The following GAB1 variants were observed in gnomAD, a reference collection of about 807,000 sequenced individuals.
GAB1 encodes GRB2 associated binding protein 1, also known as GRB2-associated-binding protein 1.
A neutral mutation model predicts 66.5 loss-of-function variants in GAB1; 19 were observed. That is an observed-to-expected ratio of 0.29 (90% CI 0.20 to 0.42). The LOEUF (loss-of-function observed/expected upper bound fraction) is 0.42. Ranked by LOEUF, GAB1 falls within the 10% of genes least tolerant of loss-of-function variation. The pLI is 1.00. For synonymous variants in GAB1, 294 were observed against 301.4 expected, an observed-to-expected ratio of 0.98 and a Z score of 0.25; for missense variants, 732 against 858.5, an observed-to-expected ratio of 0.85 and a Z score of 1.84.
At chr4:143,419,913 A>T (rs1246744770) in intron 2 of GAB1, among the ~76,000 whole-genome samples, 1 of 152,156 alleles carries the variant, frequency 6.6e-6, no homozygotes, top group Non-Finnish European at 1.5e-5. Context: ...TTGGTTTTTG[A>T]TCCATAATGG....
chr4:143,402,295 G>A (rs1054748165), intron 1 of GAB1, among the ~76,000 whole-genome samples: 5 of 152,114 alleles, frequency 3.3e-5, no homozygotes, highest in African/African-American at 7.2e-5. Context: ...ATTTTAGTTG[G>A]AAAATTTTCC....
At chr4:143,350,991 A>G (rs1019917740) in intron 1 of GAB1, among the ~76,000 whole-genome samples, 21 of 152,138 alleles carry the variant, frequency 1.4e-4, no homozygotes, top group African/African-American at 4.6e-4. Flanking sequence ...TCAGGGCCCC[A>G]CTGCTCAAAC....
chr4:143,423,792 G>GTATGTATATATA (rs1553951648), intron 2 of GAB1, among the ~76,000 whole-genome samples: 1 of 67,734 alleles, frequency 1.5e-5, no homozygotes, highest in Non-Finnish European at 2.9e-5. Flanking sequence ...AAAAAAAAGT[G>GTATGTATATATA]TATATATATA....
At chr4:143,388,165 C>T (rs930618718) in intron 1 of GAB1, among the ~76,000 whole-genome samples, 1 of 152,104 alleles carries the variant, frequency 6.6e-6, no homozygotes, top group African/African-American at 2.4e-5. Context: ...ATATATAACT[C>T]CCAAGGCACT....
Position 143,459,406 on chromosome 4 carries a change from TA to T in GAB1, c.1611del (p.Lys537AsnfsTer56). 1 of 1,609,560 alleles carries T rather than the reference TA, an allele frequency of 6.2e-7. No individual in the cohort carries two copies. Among genetic ancestry groups the T allele is most frequent in the Non-Finnish European group, 8.5e-7 (1 of 1,175,942 alleles). ...TCAGTCAAGCCAGCGCCTTTAGAAA[TA>T]AAACCTTTGCCAGAATGGGAAGAAT... ...DRKVKPAPLE[I>X]KPLPEWEELQ... On this transcript the variant is annotated frameshift_variant, in exon 7 of 10. Transcript: ENST00000262994. LOFTEE classifies it high-confidence loss of function.
At chr4:143,451,142 G>C (rs1478120956) in intron 6 of GAB1, among the ~76,000 whole-genome samples, 1 of 152,280 alleles carries the variant, frequency 6.6e-6, no homozygotes, top group East Asian at 1.9e-4. Context: ...AAGGGGCTGT[G>C]GTTGAAGTAA....
At chr4:143,388,788 A>G (rs1256057921) in intron 1 of GAB1, among the ~76,000 whole-genome samples, 1 of 152,228 alleles carries the variant, frequency 6.6e-6, no homozygotes, top group Admixed American at 6.5e-5. Context: ...GGTAGTTTTT[A>G]GCAGAAAAGA....
chr4:143,427,227 C>T (rs60848167), intron 2 of GAB1, among the ~76,000 whole-genome samples: 12,445 of 152,144 alleles, frequency 0.082, 974 homozygotes, highest in African/African-American at 0.21. Flanking sequence ...CATCTAACTG[C>T]CTTTATAATA....
intron 1 of GAB1, among the ~76,000 whole-genome samples, chr4:143,402,147 A>G (rs1405872277): frequency 6.6e-6 from 1 of 152,212 alleles, no homozygotes; most frequent in East Asian, 1.9e-4. Flanking sequence ...CTATCCAAAA[A>G]TTAATATCTA....
chr4:143,428,556 T>G (rs1733485003), intron 2 of GAB1, among the ~76,000 whole-genome samples: 1 of 152,126 alleles, frequency 6.6e-6, no homozygotes, highest in South Asian at 2.1e-4. Flanking sequence ...GGATATTTGC[T>G]TAGAACTAGA....
At chr4:143,367,719 G>GTTTTTTT (rs71588248) in intron 1 of GAB1, among the ~76,000 whole-genome samples, 3 of 94,654 alleles carry the variant, frequency 3.2e-5, no homozygotes, top group Non-Finnish European at 5.9e-5. Flanking sequence ...TCAGATGAGG[G>GTTTTTTT]TTTTTTTTTT....
chr4:143,433,652 C>T lies in GAB1; in HGVS notation c.529C>T (p.Gln177Ter), dbSNP rs768137481. 1 of 1,614,000 alleles carries T rather than the reference C, an allele frequency of 6.2e-7. No homozygotes were observed. Among genetic ancestry groups the T allele is most frequent in the Admixed American group, 1.7e-5 (1 of 59,978 alleles). The change falls in exon 3 of 10, where the codon CAG becomes TAG. Residue 177 changes from glutamine to a stop codon, truncating the protein, a stop_gained. Coordinates refer to ENST00000262994, the MANE Select transcript of GAB1 (RefSeq NM_002039.4). LOFTEE classifies it high-confidence loss of function. ...VPPHLETLGI[Q>*]EDPQDYLLLI... ...ACCACACCTGGAAACTCTTGGCATT[C>T]AGGAGGATCCTCAAGACTACCTGTT...
rs779332191 is a variant in GAB1, at chr4:143,438,558, A to G, written c.1153A>G (p.Ser385Gly). 3.0e-5 allele frequency: 48 copies of G among 1,613,940 alleles called. No homozygotes were observed. The Admixed American group carries it at 7.8e-4, about 26-fold the overall frequency. ...TACAGCAGGGATGTCGCCTTCACGT[A>G]GTAATACCATTTCCACTGTGGATTT... is the stretch of plus-strand genomic sequence containing the variant. The part of the protein sequence containing the change: ...IPTAGMSPSR[S>G]NTISTVDLNK... Residue 385 changes from serine (S) to glycine (G), a missense_variant, in exon 4 of 10, where the codon AGT (serine) becomes GGT (glycine). Coordinates refer to ENST00000262994, the MANE Select transcript of GAB1 (RefSeq NM_002039.4).
intron 2 of GAB1, chr4:143,425,797 T>G: frequency 1.3e-6 from 1 of 795,378 alleles, no homozygotes; most frequent in Non-Finnish European, 2.2e-6. Flanking sequence ...TCTGAAGGCA[T>G]GCAGGTGCCT....
At chr4:143,459,277 T>C in intron 6 of GAB1, 108 bp from the exon 7 acceptor site, 1 of 712,706 alleles carries the variant, frequency 1.4e-6, no homozygotes, top group African/African-American at 1.8e-5. Context: ...CTAGGTGGTC[T>C]TAGGTTTACT....
intron 1 of GAB1, among the ~76,000 whole-genome samples, chr4:143,374,996 T>G (rs3828514): frequency 0.51 from 77,315 of 152,082 alleles, 20,652 homozygotes; most frequent in African/African-American, 0.67. Flanking sequence ...AGCCCAAGCT[T>G]GAGTGCAGTC....
rs1386791464 is a variant in GAB1 at position 143,471,180 on chromosome 4, T to C, written c.*1991T>C. ...AAATAAAAATCTTTACAGCTGCCTA[T>C]CAAGGGTCTAAAGCACTTAATGAAT... On this transcript the variant is annotated 3_prime_UTR_variant, in exon 10 of 10. Transcript: ENST00000262994. 1 of 152,154 alleles carries C rather than the reference T, an allele frequency of 6.6e-6. No individual in the cohort carries two copies. Among genetic ancestry groups the C allele is most frequent in the Non-Finnish European group, 1.5e-5 (1 of 67,998 alleles). The allele number at this position is 152,154 out of a possible 1,614,324, so 9.4% of individuals were successfully genotyped here. A position where few individuals can be genotyped will look rare whatever the true frequency, so the allele number is the denominator to read the frequency against.
At position 143,433,625 on chromosome 4, in the gene GAB1, C is replaced by T. The variant is rs766080514; in HGVS notation, c.502C>T (p.Pro168Ser). 3.7e-6 allele frequency: 6 copies of T among 1,613,856 alleles called. No homozygotes were observed. The highest frequency in any genetic ancestry group is 5.1e-6 in the Non-Finnish European group (6 of 1,179,898). ...TCCTCCATATCAGCTAATCAATGTTCCACCACACCTGGAAACTCTTGGCAT... is the reference window on the plus strand; with the variant it reads ...TCCTCCATATCAGCTAATCAATGTTTCACCACACCTGGAAACTCTTGGCAT... ...LPPPYQLINVPPHLETLGIQE... is the reference protein window; with the variant it reads ...LPPPYQLINVSPHLETLGIQE... The change falls in exon 3 of 10, where the codon CCA becomes TCA. Residue 168 changes from proline to serine, a missense_variant. This residue lies in a region of GAB1 where 427 missense variants were observed against 420.6 expected (regional missense o/e 1.02). Transcript: ENST00000262994.
At chr4:143,346,113 T>G (rs1487656787) in intron 1 of GAB1, among the ~76,000 whole-genome samples, 1 of 152,246 alleles carries the variant, frequency 6.6e-6, no homozygotes, top group Non-Finnish European at 1.5e-5. Context: ...TCCTATTCAT[T>G]TCTGCTTCTC....
Sources: gnomAD v4.1 joint callset for allele counts (sites outside exome capture counted in the v4.1 genomes callset) on GRCh38, gnomAD v4.1.1 for gene constraint, gnomAD v4.1.1 regional missense constraint, MANE v1.5 for transcripts, NCBI Gene and HGNC (gene_info 2026-07-23, HGNC 2026-07-21) for gene names.